The following SLC9A9 variants were observed in gnomAD, a reference collection of about 807,000 sequenced individuals.
The protein encoded by SLC9A9 is solute carrier family 9 member A9.
Under a neutral mutation model 77.8 loss-of-function variants are expected in SLC9A9, and 62 were observed. That is an observed-to-expected ratio of 0.80 (90% CI 0.65 to 0.98). The LOEUF (loss-of-function observed/expected upper bound fraction) is 0.98. Ranked by LOEUF, SLC9A9 falls within the 50% of genes least tolerant of loss-of-function variation. The probability of loss-of-function intolerance (pLI) is 0.00; values close to 1 mark genes in which losing one functional copy is unlikely to be tolerated. For synonymous variants in SLC9A9, 320 were observed against 283.5 expected, an observed-to-expected ratio of 1.13 and a Z score of -1.29; for missense variants, 775 against 774.9, an observed-to-expected ratio of 1.00 and a Z score of 0.00.
chr3:143,454,967 G>T (rs532962799), intron 12 of SLC9A9, among the ~76,000 whole-genome samples: 10 of 152,262 alleles, frequency 6.6e-5, no homozygotes, highest in African/African-American at 2.2e-4. Flanking sequence ...TTATAAAAAG[G>T]TTCATGTGAT....
intron 6 of SLC9A9, among the ~76,000 whole-genome samples, chr3:143,625,585 C>T (rs558324773): frequency 1.3e-5 from 2 of 152,112 alleles, no homozygotes; most frequent in Non-Finnish European, 2.9e-5. Context: ...AAACTGGATC[C>T]CTTCCTTATA....
At chr3:143,843,837 TCA>T (rs753509810) in intron 1 of SLC9A9, among the ~76,000 whole-genome samples, 109 of 152,182 alleles carry the variant, frequency 7.2e-4, no homozygotes, top group Non-Finnish European at 1.4e-3. Flanking sequence ...CTGCTGTCAA[TCA>T]ATACTTTAAC....
chr3:143,515,815 C>T (rs981841176), intron 9 of SLC9A9, among the ~76,000 whole-genome samples: 2 of 152,032 alleles, frequency 1.3e-5, no homozygotes, highest in African/African-American at 2.4e-5. Context: ...TCTCTGTTTA[C>T]GAGATTGGCA....
chr3:143,718,684 G>C (rs1282876342), intron 4 of SLC9A9, among the ~76,000 whole-genome samples: 1 of 152,078 alleles, frequency 6.6e-6, no homozygotes, highest in South Asian at 2.1e-4. Context: ...AGGCTTTTCC[G>C]GCTCAGTTCT....
At chr3:143,536,635 G>T (rs181505936) in intron 9 of SLC9A9, among the ~76,000 whole-genome samples, 107 of 152,212 alleles carry the variant, frequency 7.0e-4, no homozygotes, top group Non-Finnish European at 1.1e-3. Flanking sequence ...GTTCTTTTTG[G>T]TTTTGACTGT....
intron 4 of SLC9A9, among the ~76,000 whole-genome samples, chr3:143,792,841 A>G (rs2008262895): frequency 6.6e-6 from 1 of 152,136 alleles, no homozygotes; most frequent in Admixed American, 6.5e-5. Context: ...TACCTCTTAA[A>G]TGGTACCCAT....
At chr3:143,360,700 G>A (rs148228523) in intron 14 of SLC9A9, among the ~76,000 whole-genome samples, 92 of 152,322 alleles carry the variant, frequency 6.0e-4, no homozygotes, top group African/African-American at 2.1e-3. Context: ...CTATGTGAGT[G>A]ACTGGTTTTA....
intron 2 of SLC9A9, among the ~76,000 whole-genome samples, chr3:143,817,656 C>T (rs954638823): frequency 2.0e-5 from 3 of 151,986 alleles, no homozygotes; most frequent in Non-Finnish European, 4.4e-5. Context: ...CTTTTTCTTC[C>T]ATATTGATAG....
At chr3:143,630,737 A>G (rs917606940) in intron 6 of SLC9A9, among the ~76,000 whole-genome samples, 19 of 152,318 alleles carry the variant, frequency 1.2e-4, no homozygotes, top group African/African-American at 4.6e-4. Flanking sequence ...TCATATTCCA[A>G]TGTATTTTCT....
At chr3:143,333,779 A>G (rs2031844208) in intron 14 of SLC9A9, among the ~76,000 whole-genome samples, 1 of 152,220 alleles carries the variant, frequency 6.6e-6, no homozygotes. Flanking sequence ...TGTATTTATT[A>G]TGGTTTACTC....
At chr3:143,620,796 G>A (rs898692074) in intron 6 of SLC9A9, among the ~76,000 whole-genome samples, 16 of 152,172 alleles carry the variant, frequency 1.1e-4, no homozygotes, top group African/African-American at 3.9e-4. Context: ...GCGACCAAGT[G>A]TGAGCTGAAG....
intron 14 of SLC9A9, among the ~76,000 whole-genome samples, chr3:143,296,371 C>G (rs1342414072): frequency 6.6e-6 from 1 of 152,158 alleles, no homozygotes; most frequent in Non-Finnish European, 1.5e-5. Context: ...CAGGTTCATT[C>G]TTGTTGCCCC....
chr3:143,482,878 T>C (rs1336507550), intron 11 of SLC9A9, among the ~76,000 whole-genome samples: 1 of 151,952 alleles, frequency 6.6e-6, no homozygotes, highest in African/African-American at 2.4e-5. Context: ...TGAGGCGGGG[T>C]TGTTCACTCG....
At chr3:143,780,143 A>G (rs1383652702) in intron 4 of SLC9A9, among the ~76,000 whole-genome samples, 1 of 152,254 alleles carries the variant, frequency 6.6e-6, no homozygotes, top group Admixed American at 6.5e-5. Flanking sequence ...ACAATCATGT[A>G]AGCAATTTAT....
chr3:143,488,460 G>A (rs1323944022), intron 11 of SLC9A9, among the ~76,000 whole-genome samples: 2 of 151,906 alleles, frequency 1.3e-5, no homozygotes, highest in East Asian at 1.9e-4. Context: ...GAAAACCACA[G>A]ACTGCTATTC....
intron 6 of SLC9A9, among the ~76,000 whole-genome samples, chr3:143,642,009 C>G (rs1451468026): frequency 1.3e-5 from 2 of 152,150 alleles, no homozygotes; most frequent in South Asian, 4.1e-4. Context: ...CCTTGTTTCT[C>G]CCTTATTCTG....
rs116018454 is a variant in SLC9A9 at position 143,813,982 on chromosome 3, C to T, written c.379-17079G>A. On this transcript the variant is annotated intron_variant, in intron 2 of 15. Coordinates refer to ENST00000316549, the MANE Select transcript of SLC9A9 (RefSeq NM_173653.4). ...ATGATAGTGGGAATGAAGGTGGTTG[C>T]GATAGAATGGAAAGAAAGAAACAAG... Among the ~76,000 whole-genome samples, 1,135 of 152,124 alleles carry T rather than the reference C, an allele frequency of 7.5e-3. 9 individuals are homozygous for T. The highest frequency in any genetic ancestry group is 0.011 in the Non-Finnish European group (749 of 68,012).
chr3:143,497,634 A>G (rs1461528901), intron 9 of SLC9A9, among the ~76,000 whole-genome samples: 1 of 152,206 alleles, frequency 6.6e-6, no homozygotes, highest in African/African-American at 2.4e-5. Flanking sequence ...TCCTGATAAC[A>G]GTATTTAATC....
chr3:143,266,421 C>A lies in SLC9A9; in HGVS notation c.*281G>T. The A allele has an allele frequency of 1.8e-6, 1 of 552,448 alleles. No individual in the cohort carries two copies. Among genetic ancestry groups the A allele is most frequent in the Non-Finnish European group, 3.2e-6 (1 of 308,766 alleles). The allele number at this position is 552,448 out of a possible 1,614,324, so 34.2% of individuals were successfully genotyped here. A position where few individuals can be genotyped will look rare whatever the true frequency, so the allele number is the denominator to read the frequency against. ...GAAGACCCAGCACAGCTGTCCCATC[C>A]TCCAGCAGCTAGACTCCTGATACCT... On this transcript the variant is annotated 3_prime_UTR_variant, in exon 16 of 16. Coordinates refer to ENST00000316549, the MANE Select transcript of SLC9A9 (RefSeq NM_173653.4).
Sources: allele counts gnomAD v4.1 joint callset (sites outside exome capture counted in the v4.1 genomes callset), GRCh38; gene constraint gnomAD v4.1.1; transcripts MANE v1.5; gene names NCBI Gene and HGNC (gene_info 2026-07-23, HGNC 2026-07-21).